Variants in ACTN4 observed in about 807,000 individuals in gnomAD.
ACTN4 encodes actinin alpha 4.
In ACTN4, 18 loss-of-function variants were observed where a neutral mutation model predicts 114.2. The observed-to-expected ratio is 0.16, with a 90% CI of 0.11 to 0.23. The LOEUF (loss-of-function observed/expected upper bound fraction) is 0.23, where lower values mean the gene tolerates loss of function less well. ACTN4 is among the 10% of genes least tolerant of loss of function. The pLI is 1.00. For synonymous variants in ACTN4, 515 were observed against 506.3 expected, an observed-to-expected ratio of 1.02 and a Z score of -0.23; for missense variants, 722 against 1,262.9, an observed-to-expected ratio of 0.57 and a Z score of 6.49.
intron 7 of ACTN4, 43 bp from the exon 8 acceptor site, chr19:38,710,214 C>G (rs374145864): frequency 1.2e-6 from 2 of 1,605,746 alleles, no homozygotes; most frequent in African/African-American, 1.3e-5. Context: ...GCCTCCACCC[C>G]CCGCCCTACT....
At position 38,730,747 on chromosome 19, in the gene ACTN4, A is replaced by G. The variant is rs1969520896; in HGVS notation, c.*1315A>G. On this transcript the variant is annotated 3_prime_UTR_variant, in exon 21 of 21. Coordinates refer to ENST00000252699, the MANE Select transcript of ACTN4 (RefSeq NM_004924.6). Reference sequence around the variant, plus strand: ...AGTGAGGGCCAGAGACTAGCCCCAGACAGGTGGATGCCAGAGAGAGTGGCA... The same window carrying G: ...AGTGAGGGCCAGAGACTAGCCCCAGGCAGGTGGATGCCAGAGAGAGTGGCA... The G allele has an allele frequency of 7.1e-7, 1 of 1,405,294 alleles. No homozygotes were observed. The highest frequency in any genetic ancestry group is 1.9e-4 in the Middle Eastern group (1 of 5,308). The allele number at this position is 1,405,294 out of a possible 1,614,324, so 87.1% of individuals were successfully genotyped here.
Position 38,724,572 on chromosome 19 carries a change from C to G in ACTN4, c.2010+7C>G. On this transcript the variant is annotated splice_region_variant and intron_variant, in intron 16 of 20. Transcript: ENST00000252699. This position sits in a 1 kb window ranked among gnomAD's most constrained non-coding sequence, Gnocchi z 7.0. ...GATCCAGACCAAGATGGAGGTGAGG[C>G]ACGGCTGAGCCCCACAGAGCTGAGA... 1 of 1,613,384 alleles carries G rather than the reference C, an allele frequency of 6.2e-7. No homozygotes were observed. Among genetic ancestry groups the G allele is most frequent in the Admixed American group, 1.7e-5 (1 of 60,020 alleles).
chr19:38,714,568 G>T lies in ACTN4; in HGVS notation c.912+7G>T, dbSNP rs1272541788. 1 of 1,613,728 alleles carries T rather than the reference G, an allele frequency of 6.2e-7. No homozygotes were observed. The highest frequency in any genetic ancestry group is 1.3e-5 in the African/African-American group (1 of 74,952). On this transcript the variant is annotated splice_region_variant and intron_variant, in intron 9 of 20. Transcript: ENST00000252699. ...CGAGAAGCTGGCCAGCGACGTGAGTGTTCCCCCAGTGAAAGTCAGGGCCAC... is the reference window on the plus strand; with the variant it reads ...CGAGAAGCTGGCCAGCGACGTGAGTTTTCCCCCAGTGAAAGTCAGGGCCAC...
At chr19:38,716,461 G>A (rs1338974908) in intron 9 of ACTN4, among the ~76,000 whole-genome samples, 3 of 152,206 alleles carry the variant, frequency 2.0e-5, no homozygotes, top group South Asian at 2.1e-4. Flanking sequence ...TGGGGCATGT[G>A]ACAGCATGGA....
chr19:38,729,474 A>G lies in ACTN4; in HGVS notation c.*42A>G, dbSNP rs1013821750. The G allele has an allele frequency of 1.5e-5, 22 of 1,496,868 alleles. No individual in the cohort carries two copies. The highest frequency in any genetic ancestry group is 2.0e-5 in the Non-Finnish European group (22 of 1,108,112). The allele number at this position is 1,496,868 out of a possible 1,614,324, so 92.7% of individuals were successfully genotyped here. On this transcript the variant is annotated 3_prime_UTR_variant, in exon 21 of 21. Coordinates refer to ENST00000252699, the MANE Select transcript of ACTN4 (RefSeq NM_004924.6). ...CCCAACACCCCCGACGGCCTCCAGG[A>G]GGGGCCTGGGCAGCCCCACAGTCCC... is the stretch of plus-strand genomic sequence containing the variant.
intron 12 of ACTN4, among the ~76,000 whole-genome samples, chr19:38,722,816 G>C (rs529147089): frequency 2.6e-5 from 4 of 152,268 alleles, no homozygotes; most frequent in African/African-American, 9.6e-5. Context: ...TCAGGCCCTG[G>C]GCAAAGCTAT....
chr19:38,724,583 C>A lies in ACTN4; in HGVS notation c.2010+18C>A, dbSNP rs1015881548. ...AGATGGAGGTGAGGCACGGCTGAGCCCCACAGAGCTGAGAAGGTTCCAAGA... is the reference window on the plus strand; with the variant it reads ...AGATGGAGGTGAGGCACGGCTGAGCACCACAGAGCTGAGAAGGTTCCAAGA... On this transcript the variant is annotated intron_variant, in intron 16 of 20. Coordinates refer to ENST00000252699, the MANE Select transcript of ACTN4 (RefSeq NM_004924.6). This position sits in a 1 kb window ranked among gnomAD's most constrained non-coding sequence, Gnocchi z 7.0. 2 of 1,613,036 alleles carry A rather than the reference C, an allele frequency of 1.2e-6. No individual in the cohort carries two copies. Among genetic ancestry groups the A allele is most frequent in the Non-Finnish European group, 1.7e-6 (2 of 1,179,918 alleles).
intron 1 of ACTN4, among the ~76,000 whole-genome samples, chr19:38,655,534 G>T (rs1976688276): frequency 6.6e-6 from 1 of 152,130 alleles, no homozygotes; most frequent in Non-Finnish European, 1.5e-5. Context: ...GATCTCATCT[G>T]GTCGAGGTGG....
chr19:38,699,542 G>T (rs1225978227), intron 1 of ACTN4, among the ~76,000 whole-genome samples: 1 of 152,050 alleles, frequency 6.6e-6, no homozygotes, highest in Non-Finnish European at 1.5e-5. Flanking sequence ...ATCACTTGAG[G>T]CCAGGAGTTC....
chr19:38,677,748 T>C, intron 1 of ACTN4, among the ~76,000 whole-genome samples: 1 of 152,188 alleles, frequency 6.6e-6, no homozygotes, highest in African/African-American at 2.4e-5. Flanking sequence ...CTTTTTTTTC[T>C]TTTTCTTTTT....
chr19:38,647,668 T>G lies in ACTN4; in HGVS notation c.-78T>G, dbSNP rs1976421462. The G allele has an allele frequency of 4.7e-6, 7 of 1,474,238 alleles. No homozygotes were observed. Among genetic ancestry groups the G allele is most frequent in the South Asian group, 1.3e-5 (1 of 76,232 alleles). The allele number at this position is 1,474,238 out of a possible 1,614,324, so 91.3% of individuals were successfully genotyped here. On this transcript the variant is annotated 5_prime_UTR_variant, in exon 1 of 21. Transcript: ENST00000252699. The stretch of plus-strand genomic sequence containing the variant: ...CGGGCTGAAGCAGCTGAAGCGGCGG[T>G]AGCGGCGGCGGCTCGGGCAGAGGGG...
At chr19:38,687,243 G>A (rs913581767) in intron 1 of ACTN4, among the ~76,000 whole-genome samples, 1 of 152,150 alleles carries the variant, frequency 6.6e-6, no homozygotes, top group African/African-American at 2.4e-5. Context: ...AAAGTGCTGG[G>A]ATTACAGGCG....
intron 1 of ACTN4, among the ~76,000 whole-genome samples, chr19:38,690,646 A>G (rs1434433841): frequency 3.9e-5 from 6 of 152,314 alleles, no homozygotes; most frequent in African/African-American, 1.4e-4. Flanking sequence ...CACCGGTAAC[A>G]GCCAGGCTGG....
intron 11 of ACTN4, among the ~76,000 whole-genome samples, chr19:38,720,068 C>T (rs1348721468): frequency 1.3e-5 from 2 of 152,242 alleles, no homozygotes; most frequent in East Asian, 1.9e-4. Context: ...TCTGTCCTCT[C>T]AAGTAGCAGT....
At chr19:38,673,533 A>G (rs1195174210) in intron 1 of ACTN4, among the ~76,000 whole-genome samples, 2 of 64,718 alleles carry the variant, frequency 3.1e-5, no homozygotes, top group Non-Finnish European at 8.0e-5. Context: ...ATATTCATAT[A>G]TACTTATATA....
chr19:38,720,201 G>T (rs1053671903), intron 11 of ACTN4, among the ~76,000 whole-genome samples: 1 of 152,240 alleles, frequency 6.6e-6, no homozygotes, highest in East Asian at 1.9e-4. Context: ...AGCCCGCAGC[G>T]GGAGGGTCGT....
chr19:38,649,609 T>C (rs974668650), intron 1 of ACTN4, among the ~76,000 whole-genome samples: 15 of 152,152 alleles, frequency 9.9e-5, no homozygotes, highest in South Asian at 2.1e-4. Context: ...GTTGGGACTT[T>C]GGACAGGGCT....
intron 4 of ACTN4, 44 bp from the exon 5 acceptor site, chr19:38,706,000 G>T: frequency 6.2e-7 from 1 of 1,605,326 alleles, no homozygotes; most frequent in Non-Finnish European, 8.5e-7. Context: ...AGTTCTGAGG[G>T]TTTATTTTTG....
intron 1 of ACTN4, among the ~76,000 whole-genome samples, chr19:38,663,731 G>A (rs1976963660): frequency 6.6e-6 from 1 of 152,176 alleles, no homozygotes; most frequent in Non-Finnish European, 1.5e-5. Context: ...TGGTTTGAAG[G>A]ATGAGGTACC....
Sources: allele counts gnomAD v4.1 joint callset (sites outside exome capture counted in the v4.1 genomes callset), GRCh38; gene constraint gnomAD v4.1.1; non-coding constraint Gnocchi (gnomAD v3.1); transcripts MANE v1.5; gene names NCBI Gene and HGNC (gene_info 2026-07-23, HGNC 2026-07-21).